SLC24A4: variants seen among roughly 807,000 people sequenced by gnomAD.
SLC24A4 encodes solute carrier family 24 member 4.
SLC24A4 carries 53 observed loss-of-function variants against 79.0 expected under a neutral mutation model. The observed-to-expected ratio is 0.67, with a 90% CI of 0.54 to 0.84. SLC24A4 has a LOEUF of 0.84. SLC24A4 is among the 40% of genes least tolerant of loss of function. The probability of loss-of-function intolerance (pLI) is 0.00; values close to 1 mark genes in which losing one functional copy is unlikely to be tolerated. For synonymous variants in SLC24A4, 323 were observed against 323.8 expected (o/e 1.00, Z 0.03); for missense variants, 731 against 822.0 (o/e 0.89, Z 1.35).
At chr14:92,484,259 T>C (rs1344319503) in intron 13 of SLC24A4, 1 of 985,220 alleles carries the variant, frequency 1.0e-6, no homozygotes, top group African/African-American at 1.7e-5. Flanking sequence ...TCCCACCCTT[T>C]GGCCGGCTCC....
At chr14:92,359,840 G>A (rs1887398551) in intron 2 of SLC24A4, among the ~76,000 whole-genome samples, 2 of 152,186 alleles carry the variant, frequency 1.3e-5, no homozygotes, top group South Asian at 4.1e-4. Context: ...CCTAAACTAG[G>A]TATAACCATT....
At chr14:92,488,213 G>A (rs967702025) in intron 14 of SLC24A4, among the ~76,000 whole-genome samples, 9 of 151,614 alleles carry the variant, frequency 5.9e-5, no homozygotes, top group East Asian at 3.9e-4. Context: ...CCAGGACTAC[G>A]GGCACATGCC....
chr14:92,463,714 A>C (rs113799171), intron 12 of SLC24A4, among the ~76,000 whole-genome samples: 29 of 152,278 alleles, frequency 1.9e-4, no homozygotes, highest in African/African-American at 6.7e-4. Flanking sequence ...AGTGGCTTTT[A>C]ATATAGTCAC....
intron 6 of SLC24A4, 53 bp from the exon 7 acceptor site, chr14:92,443,347 C>T (rs1007818246): frequency 2.5e-6 from 4 of 1,579,278 alleles, no homozygotes; most frequent in Non-Finnish European, 3.5e-6. Context: ...GGCAGCTGCA[C>T]CCCCTCCCCG....
chr14:92,453,801 G>GC (rs1893292703), intron 10 of SLC24A4, 99 bp from the exon 11 acceptor site: 1 of 1,385,376 alleles, frequency 7.2e-7, no homozygotes, highest in African/African-American at 1.5e-5. Flanking sequence ...CAGGACCACA[G>GC]CCTAGGGCAG....
chr14:92,381,855 C>T (rs749147045), intron 2 of SLC24A4, among the ~76,000 whole-genome samples: 1 of 152,124 alleles, frequency 6.6e-6, no homozygotes, highest in Non-Finnish European at 1.5e-5. Context: ...GCCTAGACAC[C>T]AGGATTGTTT....
At chr14:92,484,776 T>A (rs773979683) in intron 13 of SLC24A4, 3 of 985,326 alleles carry the variant, frequency 3.0e-6, no homozygotes, top group Non-Finnish European at 3.6e-6. Context: ...CAAAACAGTT[T>A]GGTTAGACTG....
At chr14:92,390,331 C>T (rs1889395614) in intron 2 of SLC24A4, among the ~76,000 whole-genome samples, 1 of 152,072 alleles carries the variant, frequency 6.6e-6, no homozygotes, top group Non-Finnish European at 1.5e-5. Flanking sequence ...GGCACAGCTA[C>T]TCCCCAACAG....
chr14:92,383,791 T>C (rs1274581312), intron 2 of SLC24A4, among the ~76,000 whole-genome samples: 2 of 152,148 alleles, frequency 1.3e-5, no homozygotes, highest in African/African-American at 4.8e-5. Flanking sequence ...CTCGTCAGCC[T>C]CCTCCTCTGA....
chr14:92,417,491 G>A (rs1891043528), intron 2 of SLC24A4, among the ~76,000 whole-genome samples: 1 of 152,162 alleles, frequency 6.6e-6, no homozygotes, highest in Non-Finnish European at 1.5e-5. Flanking sequence ...GTTACAGTAA[G>A]CGAAGGTTAT....
chr14:92,342,049 G>T (rs1056631538), intron 2 of SLC24A4, among the ~76,000 whole-genome samples: 2 of 152,100 alleles, frequency 1.3e-5, no homozygotes, highest in African/African-American at 4.8e-5. Context: ...GGGGAAGTTG[G>T]TACCTAATTT....
At chr14:92,375,499 A>G (rs1469750809) in intron 2 of SLC24A4, among the ~76,000 whole-genome samples, 1 of 152,258 alleles carries the variant, frequency 6.6e-6, no homozygotes, top group African/African-American at 2.4e-5. Flanking sequence ...AAAAACTTGT[A>G]AACAAATATT....
At chr14:92,345,029 G>A (rs1369544575) in intron 2 of SLC24A4, among the ~76,000 whole-genome samples, 1 of 152,238 alleles carries the variant, frequency 6.6e-6, no homozygotes, top group Non-Finnish European at 1.5e-5. Flanking sequence ...GTTGAAGTGT[G>A]AAGGTATCAG....
intron 14 of SLC24A4, among the ~76,000 whole-genome samples, chr14:92,487,951 A>G (rs1034488420): frequency 6.6e-6 from 1 of 150,994 alleles, no homozygotes; most frequent in Admixed American, 6.6e-5. Context: ...TTCCCTTGGT[A>G]TGTCTGTGTC....
At chr14:92,412,582 C>T (rs1466949687) in intron 2 of SLC24A4, among the ~76,000 whole-genome samples, 1 of 152,156 alleles carries the variant, frequency 6.6e-6, no homozygotes, top group African/African-American at 2.4e-5. Flanking sequence ...GTCCTGTCCC[C>T]ATCTCAGTTC....
At position 92,390,130 on chromosome 14, in the gene SLC24A4, G is replaced by A. The variant is rs565754148; in HGVS notation, c.242-43782G>A. ...ACCCCTGGGCCCGGCTTCCCAGTCC[G>A]GGTCATCCCTGCAGTCCCCAGGCCT... On this transcript the variant is annotated intron_variant, in intron 2 of 16. Transcript: ENST00000532405. Among the ~76,000 whole-genome samples, 498 of 76,810 alleles carry A rather than the reference G, an allele frequency of 6.5e-3. 3 individuals are homozygous for A. The highest frequency in any genetic ancestry group is 0.014 in the African/African-American group (432 of 30,116). The allele number at this position is 76,810 out of a possible 152,430, so 50.4% of individuals were successfully genotyped here.
intron 12 of SLC24A4, 128 bp from the exon 13 acceptor site, chr14:92,482,552 T>C (rs1895117088): frequency 2.5e-6 from 2 of 815,426 alleles, no homozygotes; most frequent in African/African-American, 3.5e-5. Flanking sequence ...CAAGGTCAGT[T>C]GCCTAGAGTC....
Position 92,493,788 on chromosome 14 carries a change from A to T in SLC24A4, c.*160A>T. The T allele has an allele frequency of 2.3e-6, 2 of 852,618 alleles. No homozygotes were observed. The highest frequency in any genetic ancestry group is 3.5e-6 in the Non-Finnish European group (2 of 566,386). 52.8% of individuals were successfully genotyped at this position (852,618 alleles called of 1,614,324 possible). On this transcript the variant is annotated 3_prime_UTR_variant, in exon 17 of 17. Coordinates refer to ENST00000532405, the MANE Select transcript of SLC24A4 (RefSeq NM_153646.4). ...GCCATCGTGGTCTTTGTCTGGCCAC[A>T]GGCCAGGCTGCTGGGCATCCTCCTC...
chr14:92,432,464 A>G (rs734504), intron 2 of SLC24A4, among the ~76,000 whole-genome samples: 55,625 of 152,080 alleles, frequency 0.37, 11,453 homozygotes, highest in East Asian at 0.67. Context: ...CATGACAGAA[A>G]TGTCTATTGA....
Sources: allele counts gnomAD v4.1 joint callset (sites outside exome capture counted in the v4.1 genomes callset), GRCh38; gene constraint gnomAD v4.1.1; transcripts MANE v1.5; gene names NCBI Gene and HGNC (gene_info 2026-07-23, HGNC 2026-07-21).